KCNH7: variants seen among roughly 807,000 people sequenced by gnomAD.
The protein encoded by KCNH7 is potassium voltage-gated channel subfamily H member 7.
KCNH7 carries 49 observed loss-of-function variants against 120.8 expected under a neutral mutation model. That is an observed-to-expected ratio of 0.41 (90% CI 0.32 to 0.51). KCNH7 has a LOEUF of 0.51. Among genes scored for constraint, KCNH7 ranks in the 20% least tolerant of loss-of-function variants. The pLI is 0.38. For synonymous variants in KCNH7, 547 were observed against 516.1 expected (o/e 1.06, Z -0.81); for missense variants, 1,097 against 1,446.6 (o/e 0.76, Z 3.92).
intron 2 of KCNH7, among the ~76,000 whole-genome samples, chr2:162,596,660 T>C (rs535960306): frequency 6.6e-6 from 1 of 152,034 alleles, no homozygotes; most frequent in East Asian, 1.9e-4. Flanking sequence ...ATCTCTTACA[T>C]AAGACCCCAA....
chr2:162,770,994 T>A (rs915255150), intron 2 of KCNH7, among the ~76,000 whole-genome samples: 1 of 152,134 alleles, frequency 6.6e-6, no homozygotes, highest in Non-Finnish European at 1.5e-5. Flanking sequence ...ATCCAGGTGA[T>A]GGTTATGTTT....
At chr2:162,418,541 A>G (rs961651907) in intron 9 of KCNH7, among the ~76,000 whole-genome samples, 4 of 152,160 alleles carry the variant, frequency 2.6e-5, no homozygotes, top group African/African-American at 9.6e-5. Flanking sequence ...ACATAACTGA[A>G]AGAGTTCACC....
At chr2:162,393,626 C>A (rs752494474) in intron 12 of KCNH7, among the ~76,000 whole-genome samples, 14 of 151,814 alleles carry the variant, frequency 9.2e-5, no homozygotes, top group South Asian at 6.2e-4. Context: ...GTGAAAGATG[C>A]AGCTATGGGG....
intron 2 of KCNH7, among the ~76,000 whole-genome samples, chr2:162,752,914 A>AAAAGAAAAGAAAAGAAAAGGAAAGG: frequency 1.9e-5 from 1 of 51,974 alleles, no homozygotes; most frequent in Non-Finnish European, 3.5e-5. Flanking sequence ...AAAAGAAAAG[A>AAAAGAAAAGAAAAGAAAAGGAAAGG]AAAGAAAAGA....
intron 2 of KCNH7, among the ~76,000 whole-genome samples, chr2:162,828,927 A>G (rs1166013954): frequency 2.0e-5 from 3 of 152,174 alleles, no homozygotes; most frequent in African/African-American, 7.2e-5. Context: ...AATCATGAAA[A>G]GGACAAGTTT....
intron 2 of KCNH7, among the ~76,000 whole-genome samples, chr2:162,750,290 C>G (rs1315850878): frequency 6.7e-6 from 1 of 149,626 alleles, no homozygotes; most frequent in Non-Finnish European, 1.5e-5. Context: ...AGAGAAGGCC[C>G]TAGAACTTAA....
rs140300354 is a variant in KCNH7, at chr2:162,475,133, A to G, written c.1129-28690T>C. Among the ~76,000 whole-genome samples, 211 of 152,338 alleles carry G rather than the reference A, an allele frequency of 1.4e-3. 1 individual carries two copies. The Middle Eastern group carries it at 0.017, about 12-fold the overall frequency. ...CTGAACAATAGATCACTAATTTATC[A>G]AGAACTCTTACTTTATTATTATATA... is the stretch of plus-strand genomic sequence containing the variant. On this transcript the variant is annotated intron_variant, in intron 6 of 15. Transcript: ENST00000332142.
chr2:162,638,237 G>T lies in KCNH7; in HGVS notation c.308-101157C>A, dbSNP rs745700960. On this transcript the variant is annotated intron_variant, in intron 2 of 15. Coordinates refer to ENST00000332142, the MANE Select transcript of KCNH7 (RefSeq NM_033272.4). ...ACGAGAAGACAAAACAGTCACTGGAGGCACATAAAATTAGATTCTGCCTTA... is the reference window on the plus strand; with the variant it reads ...ACGAGAAGACAAAACAGTCACTGGATGCACATAAAATTAGATTCTGCCTTA... Among the ~76,000 whole-genome samples the T allele has an allele frequency of 5.4e-4, 82 of 152,108 alleles. 2 individuals are homozygous for T. The highest frequency in any genetic ancestry group is 5.8e-4 in the East Asian group (3 of 5,164).
chr2:162,484,250 G>C (rs532638784), intron 6 of KCNH7, among the ~76,000 whole-genome samples: 6,267 of 136,454 alleles, frequency 0.046, 226 homozygotes, highest in African/African-American at 0.13. Flanking sequence ...CACACACACA[G>C]AGAGACACAC....
intron 2 of KCNH7, among the ~76,000 whole-genome samples, chr2:162,704,673 T>C (rs1246603203): frequency 6.6e-6 from 1 of 152,232 alleles, no homozygotes; most frequent in Non-Finnish European, 1.5e-5. Context: ...AAAGCCAATT[T>C]CTTTCCATCT....
chr2:162,434,861 A>G lies in KCNH7; in HGVS notation c.1954+337T>C, dbSNP rs539639528. ...CATGTAGTGTAAATGAGTATTTCCCATTCTAATCTAGCCTCAGCTTGAAAT... is the reference window on the plus strand; with the variant it reads ...CATGTAGTGTAAATGAGTATTTCCCGTTCTAATCTAGCCTCAGCTTGAAAT... On this transcript the variant is annotated intron_variant, in intron 8 of 15. Coordinates refer to ENST00000332142, the MANE Select transcript of KCNH7 (RefSeq NM_033272.4). 2.8e-4 allele frequency among the ~76,000 whole-genome samples: 43 copies of G among 152,168 alleles called. 1 individual carries two copies. The highest frequency in any genetic ancestry group is 1.6e-3 in the Admixed American group (25 of 15,240).
At chr2:162,582,895 T>G (rs1693924627) in intron 2 of KCNH7, among the ~76,000 whole-genome samples, 1 of 152,100 alleles carries the variant, frequency 6.6e-6, no homozygotes, top group Non-Finnish European at 1.5e-5. Context: ...CACCTGTATC[T>G]AGAAAGTAAA....
intron 2 of KCNH7, among the ~76,000 whole-genome samples, chr2:162,585,896 A>G (rs1694006474): frequency 6.6e-6 from 1 of 152,036 alleles, no homozygotes; most frequent in Non-Finnish European, 1.5e-5. Context: ...AAATGTGTGA[A>G]CTCATAAAGC....
intron 6 of KCNH7, among the ~76,000 whole-genome samples, chr2:162,499,923 C>T (rs994952248): frequency 1.3e-5 from 2 of 151,996 alleles, no homozygotes; most frequent in African/African-American, 4.8e-5. Context: ...CTATCCCAAA[C>T]TCCCAATGTA....
At chr2:162,407,633 G>A (rs1480751077) in intron 9 of KCNH7, among the ~76,000 whole-genome samples, 1 of 151,930 alleles carries the variant, frequency 6.6e-6, no homozygotes, top group East Asian at 1.9e-4. Context: ...ACCCATTAAG[G>A]TTTCTAAGGG....
chr2:162,794,688 G>A lies in KCNH7; in HGVS notation c.307+41849C>T, dbSNP rs141839140. On this transcript the variant is annotated intron_variant, in intron 2 of 15. Coordinates refer to ENST00000332142, the MANE Select transcript of KCNH7 (RefSeq NM_033272.4). ...AGTCTCAGACAAGTTTTACTTGATT[G>A]AATTACCTGAAGTTGCTCTATTAAT... 8.0e-4 allele frequency among the ~76,000 whole-genome samples: 121 copies of A among 152,072 alleles called. 3 individuals carry two copies. In the East Asian group the frequency reaches 0.021, roughly 27 times the overall value.
chr2:162,526,895 A>G lies in KCNH7; in HGVS notation c.464-8737T>C, dbSNP rs1461117620. Among the ~76,000 whole-genome samples the G allele has an allele frequency of 2.6e-5, 4 of 152,038 alleles. No individual in the cohort carries two copies. The South Asian group carries it at 6.2e-4, about 24-fold the overall frequency. On this transcript the variant is annotated intron_variant, in intron 3 of 15. Coordinates refer to ENST00000332142, the MANE Select transcript of KCNH7 (RefSeq NM_033272.4). ...TTGGGGAAGTGATAAGTGTCCATGAAATCTTCACAATTTATGTTCAGAGAT... is the reference window on the plus strand; with the variant it reads ...TTGGGGAAGTGATAAGTGTCCATGAGATCTTCACAATTTATGTTCAGAGAT...
At chr2:162,433,201 TC>T (rs1254485266) in intron 8 of KCNH7, among the ~76,000 whole-genome samples, 1 of 152,044 alleles carries the variant, frequency 6.6e-6, no homozygotes, top group East Asian at 1.9e-4. Context: ...ATGTCCATAC[TC>T]CCCAAAGCAA....
intron 6 of KCNH7, among the ~76,000 whole-genome samples, chr2:162,456,306 G>A (rs961159150): frequency 2.6e-5 from 4 of 151,612 alleles, no homozygotes; most frequent in African/African-American, 4.8e-5. Context: ...ATTTTATAAT[G>A]TTATAATTTC....
Sources: allele counts gnomAD v4.1 joint callset (sites outside exome capture counted in the v4.1 genomes callset), GRCh38; gene constraint gnomAD v4.1.1; transcripts MANE v1.5; gene names NCBI Gene and HGNC (gene_info 2026-07-23, HGNC 2026-07-21).